The following STARD13 variants were observed in gnomAD, a reference collection of about 807,000 sequenced individuals.
STARD13 encodes stAR-related lipid transfer protein 13.
A neutral mutation model predicts 106.4 loss-of-function variants in STARD13; 62 were observed. The observed-to-expected ratio is 0.58, with a 90% confidence interval of 0.48 to 0.72. The LOEUF (loss-of-function observed/expected upper bound fraction) is 0.72. Ranked by LOEUF, STARD13 falls within the 30% of genes least tolerant of loss-of-function variation. STARD13 has a pLI of 0.00. For synonymous variants in STARD13, 565 were observed against 553.0 expected (o/e 1.02, Z -0.31); for missense variants, 1,387 against 1,424.0 (o/e 0.97, Z 0.42).
chr13:33,210,765 TA>T (rs1887672322), intron 1 of STARD13, among the ~76,000 whole-genome samples: 1 of 152,250 alleles, frequency 6.6e-6, no homozygotes, highest in Admixed American at 6.5e-5. Flanking sequence ...GTGTGTTATT[TA>T]ACACTTAGGT....
the STARD13 span, among the ~76,000 whole-genome samples, chr13:33,501,078 C>CTTTTTTTTTTTTTTT: frequency 1.1e-5 from 1 of 94,096 alleles, no homozygotes; most frequent in African/African-American, 5.3e-5. Flanking sequence ...TCTCTCTCTC[C>CTTTTTTTTTTTTTTT]TTTTTTTTTT....
the STARD13 span, among the ~76,000 whole-genome samples, chr13:33,596,027 A>G: frequency 6.6e-6 from 1 of 152,160 alleles, no homozygotes; most frequent in Admixed American, 6.5e-5. Context: ...CCAGATATGA[A>G]CCAACTGACT....
chr13:33,662,135 G>A, the STARD13 span, among the ~76,000 whole-genome samples: 5 of 151,654 alleles, frequency 3.3e-5, no homozygotes, highest in African/African-American at 7.3e-5. Context: ...GGTGGTGGGC[G>A]CCTATAATCC....
At chr13:33,628,963 A>T in the STARD13 span, among the ~76,000 whole-genome samples, 10 of 152,220 alleles carry the variant, frequency 6.6e-5, no homozygotes, top group Non-Finnish European at 1.2e-4. Context: ...TCAATAGCAG[A>T]TGGCAGTTAT....
intron 6 of STARD13, 147 bp from the exon 7 acceptor site, chr13:33,126,387 A>T: frequency 1.3e-6 from 1 of 787,510 alleles, no homozygotes; most frequent in Non-Finnish European, 2.1e-6. Flanking sequence ...CATTAATCAC[A>T]GGACACTGCT....
the STARD13 span, among the ~76,000 whole-genome samples, chr13:33,530,014 G>A: frequency 8.9e-3 from 1,346 of 152,014 alleles, 18 homozygotes; most frequent in African/African-American, 0.029. Flanking sequence ...AATTAGAAAA[G>A]ATAAGGAGCC....
chr13:33,283,177 A>G (rs908756668), intron 1 of STARD13, among the ~76,000 whole-genome samples: 1 of 152,200 alleles, frequency 6.6e-6, no homozygotes, highest in Admixed American at 6.5e-5. Flanking sequence ...TGAGTGACCA[A>G]TTCTGGTCCT....
intron 1 of STARD13, chr13:33,278,484 T>C (rs116876345): frequency 0.027 from 4,067 of 148,798 alleles, 90 homozygotes; most frequent in Non-Finnish European, 0.041. Context: ...GACGCCCCCA[T>C]TTCCACTGCA....
chr13:33,323,698 A>G (rs570338319), intron 1 of STARD13, among the ~76,000 whole-genome samples: 110 of 152,324 alleles, frequency 7.2e-4, no homozygotes, highest in Non-Finnish European at 1.3e-3. Context: ...GCCTTCAATT[A>G]ACTTAATGCC....
intron 1 of STARD13, among the ~76,000 whole-genome samples, chr13:33,246,071 G>A (rs1022467088): frequency 6.6e-6 from 1 of 152,162 alleles, no homozygotes; most frequent in African/African-American, 2.4e-5. Context: ...GAGAAACATT[G>A]TAATGAATAA....
the STARD13 span, among the ~76,000 whole-genome samples, chr13:33,460,891 A>T: frequency 1.3e-5 from 2 of 152,238 alleles, no homozygotes; most frequent in Non-Finnish European, 2.9e-5. Context: ...ATACAATGAG[A>T]TACTACTCTG....
intron 1 of STARD13, among the ~76,000 whole-genome samples, chr13:33,170,547 T>G (rs1439896438): frequency 6.6e-6 from 1 of 152,206 alleles, no homozygotes; most frequent in Non-Finnish European, 1.5e-5. Context: ...ATAAGATGAT[T>G]TTTTTTGTTT....
At chr13:33,287,479 A>C (rs1191620318), upstream of STARD13, among the ~76,000 whole-genome samples, 1 of 152,170 alleles carries the variant, frequency 6.6e-6, no homozygotes, top group African/African-American at 2.4e-5. Context: ...AGAAAGATCT[A>C]TGGGGCCATA....
Position 33,164,372 on chromosome 13 carries a change from A to G in STARD13, c.323+965T>C, listed in dbSNP as rs1015135218. On this transcript the variant is annotated intron_variant, in intron 3 of 13. Transcript: ENST00000336934. ...CCTGTCTTCATAAGTTTTGCTAATC[A>G]TTACTTTCCCTTTAAACTACTACCT... 17 of 152,204 alleles carry G rather than the reference A, an allele frequency of 1.1e-4. 1 individual carries two copies. The highest frequency in any genetic ancestry group is 8.5e-4 in the Admixed American group (13 of 15,278). 9.4% of individuals were successfully genotyped at this position (152,204 alleles called of 1,614,324 possible). A position where few individuals can be genotyped will look rare whatever the true frequency, so the allele number is the denominator to read the frequency against.
At chr13:33,187,114 T>C (rs1011146486) in intron 1 of STARD13, among the ~76,000 whole-genome samples, 8 of 152,194 alleles carry the variant, frequency 5.3e-5, no homozygotes, top group African/African-American at 1.7e-4. Flanking sequence ...CAAGGAATCA[T>C]TGAGTCACTT....
At chr13:33,599,756 A>G in the STARD13 span, among the ~76,000 whole-genome samples, 2 of 152,194 alleles carry the variant, frequency 1.3e-5, no homozygotes, top group Non-Finnish European at 2.9e-5. Context: ...TATAAACATA[A>G]TGCCATTTAA....
chr13:33,211,968 C>A (rs76522746), intron 1 of STARD13, among the ~76,000 whole-genome samples: 2,277 of 152,272 alleles, frequency 0.015, 62 homozygotes, highest in African/African-American at 0.053. Context: ...GAAACAGAAT[C>A]ATAATATATG....
chr13:33,220,001 C>T (rs1888267110), intron 1 of STARD13, among the ~76,000 whole-genome samples: 1 of 152,142 alleles, frequency 6.6e-6, no homozygotes, highest in Non-Finnish European at 1.5e-5. Flanking sequence ...TTCCACAGCA[C>T]ATTTCACCTT....
chr13:33,215,760 G>A (rs1888004034), intron 1 of STARD13, among the ~76,000 whole-genome samples: 1 of 152,096 alleles, frequency 6.6e-6, no homozygotes, highest in South Asian at 2.1e-4. Context: ...AACTTTTTGT[G>A]ATCAAAAATA....
Sources: gnomAD v4.1 joint callset for allele counts (sites outside exome capture counted in the v4.1 genomes callset) on GRCh38, gnomAD v4.1.1 for gene constraint, MANE v1.5 for transcripts, NCBI Gene and HGNC (gene_info 2026-07-23, HGNC 2026-07-21) for gene names.